SNX18: variants seen among roughly 807,000 people sequenced by gnomAD.
SNX18 encodes sorting nexin 18, also known as sorting nexin-18.
A neutral mutation model predicts 48.7 loss-of-function variants in SNX18; 35 were observed. The observed-to-expected ratio is 0.72, with a 90% CI of 0.55 to 0.95. The LOEUF (loss-of-function observed/expected upper bound fraction) is 0.95, where lower values mean the gene tolerates loss of function less well. SNX18 is among the 40% of genes least tolerant of loss of function. SNX18 has a pLI of 0.00. For synonymous variants in SNX18, 492 were observed against 384.7 expected, an observed-to-expected ratio of 1.28 and a Z score of -3.26; for missense variants, 824 against 871.0, an observed-to-expected ratio of 0.95 and a Z score of 0.68.
chr5:54,540,236 G>A (rs1762439184), intron 1 of SNX18, among the ~76,000 whole-genome samples: 1 of 149,904 alleles, frequency 6.7e-6, no homozygotes, highest in African/African-American at 2.5e-5. Context: ...CTTTGAGATA[G>A]GGTTTTACTC....
chr5:54,581,433 G>A, the SNX18 span, among the ~76,000 whole-genome samples: 1 of 151,940 alleles, frequency 6.6e-6, no homozygotes, highest in African/African-American at 2.4e-5. Flanking sequence ...GCAGAAATGA[G>A]GGTTTTTAAA....
chr5:54,536,872 C>G (rs1415426137), intron 1 of SNX18, among the ~76,000 whole-genome samples: 1 of 152,182 alleles, frequency 6.6e-6, no homozygotes, highest in Non-Finnish European at 1.5e-5. Flanking sequence ...CCTATTTCTC[C>G]ACATCCTCTC....
the SNX18 span, among the ~76,000 whole-genome samples, chr5:54,627,618 T>A: frequency 6.6e-6 from 1 of 152,016 alleles, no homozygotes; most frequent in Non-Finnish European, 1.5e-5. Flanking sequence ...TTATTGAAGA[T>A]CCCAGGGCTG....
the SNX18 span, chr5:54,643,935 A>G: frequency 6.6e-6 from 1 of 152,274 alleles, no homozygotes; most frequent in Non-Finnish European, 1.5e-5. Flanking sequence ...CTCAGGCCGA[A>G]ATCAGTGGGC....
intron 1 of SNX18, among the ~76,000 whole-genome samples, chr5:54,524,431 G>A (rs993543031): frequency 1.3e-5 from 2 of 152,190 alleles, no homozygotes; most frequent in African/African-American, 4.8e-5. Flanking sequence ...AGGTTTCCTT[G>A]TTCAGCAATG....
the SNX18 span, among the ~76,000 whole-genome samples, chr5:54,591,297 A>T: frequency 5.5e-4 from 84 of 152,174 alleles, no homozygotes; most frequent in Admixed American, 1.8e-3. Flanking sequence ...TTCCCACCTC[A>T]GCCCCCAGAG....
the SNX18 span, among the ~76,000 whole-genome samples, chr5:54,633,033 A>G: frequency 1.3e-5 from 2 of 152,048 alleles, no homozygotes; most frequent in Admixed American, 1.3e-4. Flanking sequence ...TTGGCCTCCC[A>G]AAGTGCTGGG....
chr5:54,523,847 A>C (rs1262912065), intron 1 of SNX18, among the ~76,000 whole-genome samples: 1 of 152,186 alleles, frequency 6.6e-6, no homozygotes, highest in Non-Finnish European at 1.5e-5. Flanking sequence ...AGGGCACACA[A>C]GGTAAGGCTG....
At chr5:54,620,004 G>A in the SNX18 span, among the ~76,000 whole-genome samples, 1 of 152,064 alleles carries the variant, frequency 6.6e-6, no homozygotes, top group Non-Finnish European at 1.5e-5. Flanking sequence ...AACGGAAGGC[G>A]GTTTTTATGT....
the SNX18 span, among the ~76,000 whole-genome samples, chr5:54,585,647 G>A: frequency 6.6e-6 from 1 of 152,048 alleles, no homozygotes; most frequent in East Asian, 1.9e-4. Context: ...GGTGGTGACT[G>A]TAGCAGGAGG....
chr5:54,571,384 C>T, the SNX18 span, among the ~76,000 whole-genome samples: 5 of 152,124 alleles, frequency 3.3e-5, no homozygotes, highest in Admixed American at 1.3e-4. Context: ...AAGAATAAAG[C>T]CTGTTCTAAT....
the SNX18 span, among the ~76,000 whole-genome samples, chr5:54,632,202 C>A: frequency 6.6e-6 from 1 of 152,346 alleles, no homozygotes; most frequent in Non-Finnish European, 1.5e-5. Flanking sequence ...AACTCTGGCT[C>A]CCCTGCTACC....
the SNX18 span, among the ~76,000 whole-genome samples, chr5:54,606,506 G>A: frequency 6.4e-4 from 97 of 152,278 alleles, no homozygotes; most frequent in African/African-American, 2.1e-3. Context: ...CGGGAGACCA[G>A]GTGGTTCACT....
At chr5:54,561,860 A>C in the SNX18 span, among the ~76,000 whole-genome samples, 2 of 152,310 alleles carry the variant, frequency 1.3e-5, no homozygotes, top group Non-Finnish European at 2.9e-5. Flanking sequence ...TCCTCTTATC[A>C]ACAGGAAGCA....
the SNX18 span, among the ~76,000 whole-genome samples, chr5:54,561,504 A>ATTT: frequency 1.5e-5 from 2 of 133,008 alleles, no homozygotes; most frequent in Non-Finnish European, 1.6e-5. Flanking sequence ...CGCCCAGCTA[A>ATTT]TTTTTTTTTT....
the SNX18 span, chr5:54,645,839 T>C: frequency 2.0e-5 from 3 of 152,352 alleles, no homozygotes; most frequent in African/African-American, 4.8e-5. Flanking sequence ...AATTCCTTCA[T>C]TGACTAGCTA....
intron 1 of SNX18, among the ~76,000 whole-genome samples, chr5:54,528,890 G>T (rs1293928673): frequency 6.6e-6 from 1 of 152,190 alleles, no homozygotes; most frequent in African/African-American, 2.4e-5. Flanking sequence ...CCGCTGAGGG[G>T]ATACAGCAGA....
chr5:54,625,337 C>G, the SNX18 span, among the ~76,000 whole-genome samples: 1 of 152,202 alleles, frequency 6.6e-6, no homozygotes, highest in Non-Finnish European at 1.5e-5. Context: ...ATCAAGTTGT[C>G]AGCCAGGGCT....
chr5:54,584,227 T>G, the SNX18 span, among the ~76,000 whole-genome samples: 455 of 152,006 alleles, frequency 3.0e-3, 3 homozygotes, highest in African/African-American at 0.011. Flanking sequence ...ATTTTTTATA[T>G]TTTAGTAGAG....
Sources: allele counts gnomAD v4.1 joint callset (sites outside exome capture counted in the v4.1 genomes callset), GRCh38; gene constraint gnomAD v4.1.1; transcripts MANE v1.5; gene names NCBI Gene and HGNC (gene_info 2026-07-23, HGNC 2026-07-21).